ADCY1: variants seen among roughly 807,000 people sequenced by gnomAD.
ADCY1 encodes adenylate cyclase type 1.
Under a neutral mutation model 105.4 loss-of-function variants are expected in ADCY1, and 28 were observed. The ratio of observed to expected loss-of-function variants is 0.27; its 90% CI spans 0.20 to 0.36. The LOEUF (loss-of-function observed/expected upper bound fraction) is 0.36. Ranked by LOEUF, ADCY1 falls within the 10% of genes least tolerant of loss-of-function variation. The pLI, the probability that ADCY1 is intolerant of heterozygous loss-of-function variation, is 1.00. For missense variants in ADCY1, 977 were observed against 1,434.2 expected (o/e 0.68, Z 5.15); for synonymous variants, 655 against 623.8 (o/e 1.05, Z -0.75).
At chr7:45,679,870 A>G (rs1584326928) in intron 11 of ADCY1, 77 bp downstream of exon 11, 1 of 1,512,204 alleles carries the variant, frequency 6.6e-7, no homozygotes, top group Non-Finnish European at 9.2e-7. Flanking sequence ...CTGCACCTGC[A>G]TATCACCTGG....
At chr7:45,682,173 A>G (rs1784571418) in intron 11 of ADCY1, among the ~76,000 whole-genome samples, 1 of 152,046 alleles carries the variant, frequency 6.6e-6, no homozygotes, top group Non-Finnish European at 1.5e-5. Context: ...GCTCAGTTGG[A>G]GTGTTCTGAA....
In ADCY1 at chr7:45,686,603, C is replaced by T. The variant is rs1164322960; in HGVS notation, c.2384C>T (p.Ser795Phe). 2 of 1,613,654 alleles carry T rather than the reference C, an allele frequency of 1.2e-6. No individual in the cohort carries two copies. The highest frequency in any genetic ancestry group is 1.3e-5 in the African/African-American group (1 of 74,948). ...CCGATTGTGGCCATCCTGCTCTTCTCCTGTGCGCTGGCCCTGCATGCCAGG... is the reference window on the plus strand; with the variant it reads ...CCGATTGTGGCCATCCTGCTCTTCTTCTGTGCGCTGGCCCTGCATGCCAGG... ...YEPIVAILLF[S>F]CALALHARQV... Residue 795 changes from serine (S) to phenylalanine (F), a missense_variant, in exon 14 of 20, where the codon TCC (serine) becomes TTC (phenylalanine). Around this residue, in one of 7 missense-constraint regions of ADCY1, gnomAD observed 275 missense variants for 362.1 expected, o/e 0.76. Transcript: ENST00000297323. This position sits in a 1 kb window ranked among gnomAD's most constrained non-coding sequence, Gnocchi z 4.3.
intron 16 of ADCY1, among the ~76,000 whole-genome samples, chr7:45,704,220 G>GC (rs1010060821): frequency 7.9e-5 from 12 of 151,796 alleles, no homozygotes; most frequent in East Asian, 1.9e-4. Context: ...GTGCCTCCAG[G>GC]CCCCCCCCAC....
chr7:45,701,607 A>T (rs1488231502), intron 14 of ADCY1, among the ~76,000 whole-genome samples: 1 of 152,224 alleles, frequency 6.6e-6, no homozygotes, highest in Non-Finnish European at 1.5e-5. Flanking sequence ...CACCCTTTAC[A>T]AACCTTTCTT....
intron 5 of ADCY1, among the ~76,000 whole-genome samples, chr7:45,656,966 C>T (rs1014968174): frequency 6.6e-6 from 1 of 152,224 alleles, no homozygotes; most frequent in Admixed American, 6.5e-5. Context: ...GGTGTATACA[C>T]GAGGAAACTG....
chr7:45,702,465 GCA>G (rs1785016431), intron 14 of ADCY1, among the ~76,000 whole-genome samples: 1 of 152,238 alleles, frequency 6.6e-6, no homozygotes, highest in South Asian at 2.1e-4. Flanking sequence ...GGCAATCATT[GCA>G]CAGTTTTTAC....
chr7:45,585,513 A>G (rs768603756), intron 1 of ADCY1, among the ~76,000 whole-genome samples: 1 of 145,084 alleles, frequency 6.9e-6, no homozygotes, highest in Non-Finnish European at 1.5e-5. Context: ...GCGCGATCTC[A>G]TCTCACTGCA....
Position 45,686,036 on chromosome 7 carries a change from C to A in ADCY1, c.2148C>A (p.Arg716=). The change falls in exon 13 of 20, where the codon CGC becomes CGA. Residue 716 remains arginine (R), a synonymous_variant. Coordinates refer to ENST00000297323, the MANE Select transcript of ADCY1 (RefSeq NM_021116.4). This position sits in a 1 kb window ranked among gnomAD's most constrained non-coding sequence, Gnocchi z 4.3. ...SLVVLSSGGQ[R]TALPTLPCES... is the part of the protein sequence containing the mutation. ...TGGTCCTTTCGTCTGGGGGCCAGCG[C>A]ACAGCCCTGCCCACCCTGCCCTGCG... 6.2e-7 allele frequency: 1 copy of A among 1,612,900 alleles called. No homozygotes were observed. Among genetic ancestry groups the A allele is most frequent in the South Asian group, 1.1e-5 (1 of 91,006 alleles).
At chr7:45,653,447 C>G (rs190961706) in intron 5 of ADCY1, among the ~76,000 whole-genome samples, 3 of 152,354 alleles carry the variant, frequency 2.0e-5, no homozygotes, top group Admixed American at 6.5e-5. Flanking sequence ...GCCCGCGATG[C>G]CCAGACTGCA....
At chr7:45,698,908 C>G (rs527763964) in intron 14 of ADCY1, among the ~76,000 whole-genome samples, 24 of 152,334 alleles carry the variant, frequency 1.6e-4, no homozygotes, top group Non-Finnish European at 2.8e-4. Flanking sequence ...CTGGTAGGCT[C>G]AGGTTCTGTG....
intron 5 of ADCY1, among the ~76,000 whole-genome samples, chr7:45,653,601 G>A (rs1405109094): frequency 1.3e-5 from 2 of 152,184 alleles, no homozygotes; most frequent in African/African-American, 4.8e-5. Context: ...AAAGAAGGGG[G>A]CATTTTCTCC....
chr7:45,623,063 C>T (rs2115929141), intron 4 of ADCY1, among the ~76,000 whole-genome samples: 1 of 152,322 alleles, frequency 6.6e-6, no homozygotes, highest in South Asian at 2.1e-4. Context: ...CATCCTGCTG[C>T]CATTGTGTCC....
intron 14 of ADCY1, among the ~76,000 whole-genome samples, chr7:45,700,175 G>A (rs867708764): frequency 3.2e-4 from 49 of 152,216 alleles, no homozygotes; most frequent in South Asian, 1.2e-3. Flanking sequence ...ACAGTTATGG[G>A]GCTACTCTGG....
chr7:45,651,921 A>G (rs1214916881), intron 5 of ADCY1, among the ~76,000 whole-genome samples: 1 of 152,178 alleles, frequency 6.6e-6, no homozygotes, highest in Non-Finnish European at 1.5e-5. Flanking sequence ...AGGAATGTGT[A>G]TTAGTCTGTT....
intron 4 of ADCY1, among the ~76,000 whole-genome samples, chr7:45,640,247 C>A (rs1409266742): frequency 6.6e-6 from 1 of 152,122 alleles, no homozygotes; most frequent in Non-Finnish European, 1.5e-5. Flanking sequence ...GAAAGAAGGG[C>A]CTTCATTTGC....
rs953859597 is a variant in ADCY1, at chr7:45,703,220, C to T, written c.2455-156C>T. Among the ~76,000 whole-genome samples the T allele has an allele frequency of 6.6e-6, 1 of 152,122 alleles. No individual in the cohort carries two copies. Among genetic ancestry groups the T allele is most frequent in the African/African-American group, 2.4e-5 (1 of 41,422 alleles). ...ATCTTCCCTACCCAGTAACATGGATCTAGTCTTGCATCTAGTGGGGAGGAG... is the reference window on the plus strand; with the variant it reads ...ATCTTCCCTACCCAGTAACATGGATTTAGTCTTGCATCTAGTGGGGAGGAG... On this transcript the variant is annotated intron_variant, in intron 14 of 19. Coordinates refer to ENST00000297323, the MANE Select transcript of ADCY1 (RefSeq NM_021116.4). The surrounding 1 kb of genome is among the most constrained non-coding windows in gnomAD (Gnocchi z 5.9).
chr7:45,660,339 T>C (rs1221079724), intron 7 of ADCY1, among the ~76,000 whole-genome samples, 156 bp downstream of exon 7: 1 of 152,164 alleles, frequency 6.6e-6, no homozygotes, highest in Non-Finnish European at 1.5e-5. Context: ...GACACCGTCC[T>C]GAGCCTTGTC....
At chr7:45,623,483 C>T (rs1238556620) in intron 4 of ADCY1, among the ~76,000 whole-genome samples, 1 of 152,162 alleles carries the variant, frequency 6.6e-6, no homozygotes, top group African/African-American at 2.4e-5. Context: ...ACAGAATGTG[C>T]TGTGTTTAGA....
In ADCY1 at chr7:45,647,850, A is replaced by G. The variant is rs1186959779; in HGVS notation, c.1021-820A>G. Among the ~76,000 whole-genome samples the G allele has an allele frequency of 6.6e-6, 1 of 152,372 alleles. No homozygotes were observed. The highest frequency in any genetic ancestry group is 2.4e-5 in the African/African-American group (1 of 41,592). Reference sequence around the variant, plus strand: ...TTCTTATTGTTAAATATCAGTAGCTATAACCCACCTACACAAAAAGTTTTA... The same window carrying G: ...TTCTTATTGTTAAATATCAGTAGCTGTAACCCACCTACACAAAAAGTTTTA... On this transcript the variant is annotated intron_variant, in intron 4 of 19. Coordinates refer to ENST00000297323, the MANE Select transcript of ADCY1 (RefSeq NM_021116.4). The surrounding 1 kb of genome is among the most constrained non-coding windows in gnomAD (Gnocchi z 4.6).
Sources: gnomAD v4.1 joint callset for allele counts (sites outside exome capture counted in the v4.1 genomes callset) on GRCh38, gnomAD v4.1.1 for gene constraint, gnomAD v4.1.1 regional missense constraint, Gnocchi (gnomAD v3.1) non-coding constraint, MANE v1.5 for transcripts, NCBI Gene and HGNC (gene_info 2026-07-23, HGNC 2026-07-21) for gene names.